The following POLR1A variants were observed in gnomAD, a reference collection of about 807,000 sequenced individuals.
POLR1A encodes the protein DNA-directed RNA polymerase I subunit RPA1.
In POLR1A, 84 loss-of-function variants were observed where a neutral mutation model predicts 205.3. The ratio of observed to expected loss-of-function variants is 0.41; its 90% CI spans 0.34 to 0.49. The LOEUF (loss-of-function observed/expected upper bound fraction) is 0.49, where lower values mean the gene tolerates loss of function less well. Ranked by LOEUF, POLR1A falls within the 20% of genes least tolerant of loss-of-function variation. The probability of loss-of-function intolerance (pLI) is 0.22; values close to 1 mark genes in which losing one functional copy is unlikely to be tolerated. For missense variants in POLR1A, 1,645 were observed against 2,204.5 expected, an observed-to-expected ratio of 0.75 and a Z score of 5.08; for synonymous variants, 799 against 863.7, an observed-to-expected ratio of 0.93 and a Z score of 1.31.
chr2:86,036,546 A>G (rs1292674833), intron 27 of POLR1A, among the ~76,000 whole-genome samples: 2 of 152,164 alleles, frequency 1.3e-5, no homozygotes, highest in Non-Finnish European at 2.9e-5. Context: ...GAAAGGAAGG[A>G]GAAAAAGCTT....
chr2:86,030,090 G>A, intron 31 of POLR1A, 106 bp downstream of exon 31: 1 of 882,838 alleles, frequency 1.1e-6, no homozygotes, highest in Non-Finnish European at 1.8e-6. Context: ...GGCTCAGGAA[G>A]GGCCAGAGTA....
chr2:86,038,661 T>C, intron 27 of POLR1A, 39 bp downstream of exon 27: 1 of 1,603,724 alleles, frequency 6.2e-7, no homozygotes, highest in Non-Finnish European at 8.5e-7. Flanking sequence ...GCGCATTCTC[T>C]GGGTCAAGGT....
rs773522758 is a variant in POLR1A at position 86,045,342 on chromosome 2, T to C, written c.2905A>G (p.Met969Val). 1 of 1,613,720 alleles carries C rather than the reference T, an allele frequency of 6.2e-7. No individual in the cohort carries two copies. Among genetic ancestry groups the C allele is most frequent in the Admixed American group, 1.7e-5 (1 of 60,024 alleles). Residue 969 changes from methionine to valine, a missense_variant, in exon 21 of 34, where the codon ATG becomes GTG. By Grantham distance (21) the Met-to-Val change is conservative. Transcript: ENST00000263857. ...TCCACCAGGCCCTCTCGTCCTGCCA[T>C]GCAGTGGAAGAAGAACTCCTGCAGA... ...IKPPEFFFHC[M>V]AGREGLVDTA...
intron 24 of POLR1A, among the ~76,000 whole-genome samples, chr2:86,041,390 CTGTGTG>C (rs141600019): frequency 1.6e-5 from 2 of 124,714 alleles, no homozygotes; most frequent in East Asian, 2.5e-4. Context: ...GCTACAGTGT[CTGTGTG>C]TGTGTGTGTG....
rs1460908053 is a variant in POLR1A, at chr2:86,084,474, A to T, written c.731-1306T>A. On this transcript the variant is annotated intron_variant, in intron 6 of 33. Coordinates refer to ENST00000263857, the MANE Select transcript of POLR1A (RefSeq NM_015425.6). ...AACCCCAAAAAGCTTTTCTGGATACATCCACTGAAACTAAGCATTACTCAA... is the reference window on the plus strand; with the variant it reads ...AACCCCAAAAAGCTTTTCTGGATACTTCCACTGAAACTAAGCATTACTCAA... Among the ~76,000 whole-genome samples, 5 of 151,862 alleles carry T rather than the reference A, an allele frequency of 3.3e-5. No individual in the cohort carries two copies. The East Asian group carries it at 9.6e-4, about 29-fold the overall frequency.
Position 86,088,616 on chromosome 2 carries a change from A to C in POLR1A, c.680T>G (p.Phe227Cys). The C allele has an allele frequency of 6.2e-7, 1 of 1,614,068 alleles. No homozygotes were observed. Among genetic ancestry groups the C allele is most frequent in the Non-Finnish European group, 8.5e-7 (1 of 1,179,902 alleles). Residue 227 changes from phenylalanine to cysteine, a missense_variant, in exon 6 of 34, where the codon TTT (phenylalanine) becomes TGT (cysteine). Phe to Cys is a radical substitution (Grantham distance 205). Coordinates refer to ENST00000263857, the MANE Select transcript of POLR1A (RefSeq NM_015425.6). ...KEHNSKLTIT[F>C]PAMVHRTAGQ... The stretch of plus-strand genomic sequence containing the variant: ...AGCTGTCCTGTGCACCATGGCTGGA[A>C]ACGTGATAGTCAACTTGCTGTTGTG...
intron 6 of POLR1A, among the ~76,000 whole-genome samples, chr2:86,085,618 T>C (rs1673491297): frequency 6.6e-6 from 1 of 152,194 alleles, no homozygotes; most frequent in Admixed American, 6.5e-5. Context: ...TCAGCTCCTG[T>C]CCCAGCAATG....
intron 3 of POLR1A, among the ~76,000 whole-genome samples, chr2:86,090,281 G>A (rs1673577956): frequency 6.6e-6 from 1 of 150,806 alleles, no homozygotes; most frequent in Admixed American, 6.6e-5. Context: ...TGTGGTCCCA[G>A]CTACTTGGTA....
rs781750931 is a variant in POLR1A, at chr2:86,049,215, T to A, written c.2420A>T (p.Lys807Met). 11 of 1,613,850 alleles carry A rather than the reference T, an allele frequency of 6.8e-6. No individual in the cohort carries two copies. The South Asian group carries it at 1.1e-4, about 16-fold the overall frequency. ...GATACGTTGCCTCTTGACATCTGCC[T>A]TTGGCTTCACCAAAATGTCTTCCAC... ...LGVEDILVKP[K>M]ADVKRQRIIE... The change falls in exon 17 of 34, where the codon AAG (lysine) becomes ATG (methionine). Residue 807 changes from lysine (K) to methionine (M), a missense_variant. Around this residue, in one of 16 missense-constraint regions of POLR1A, gnomAD observed 339 missense variants for 415.1 expected, o/e 0.82. Transcript: ENST00000263857.
chr2:86,048,864 G>A lies in POLR1A; in HGVS notation c.2634+20C>T, dbSNP rs1439379602. On this transcript the variant is annotated intron_variant, in intron 18 of 33. Coordinates refer to ENST00000263857, the MANE Select transcript of POLR1A (RefSeq NM_015425.6). ...AGCATTCATAGTGGTGGGGATAAAT[G>A]CATGCAATGCTGGGCTAACCTTGTT... 1.2e-6 allele frequency: 2 copies of A among 1,603,922 alleles called. No homozygotes were observed. The highest frequency in any genetic ancestry group is 1.7e-6 in the Non-Finnish European group (2 of 1,170,912).
At chr2:86,056,271 G>A (rs1244336597) in intron 14 of POLR1A, among the ~76,000 whole-genome samples, 1 of 146,148 alleles carries the variant, frequency 6.8e-6, no homozygotes, top group Non-Finnish European at 1.5e-5. Flanking sequence ...GGCCAACATG[G>A]TGAAATCCCG....
rs1195415449 is a variant in POLR1A at position 86,027,481 on chromosome 2, A to G, written c.5105T>C (p.Val1702Ala). Reference protein sequence around the residue: ...ELRSPSACLVVGKVVRGGTGL... With the variant: ...ELRSPSACLVAGKVVRGGTGL... ...TGTCCCGCCCCTGACGACCTTCCCG[A>G]CCACAAGGCAGGCAGAAGGAGACCT... Residue 1702 changes from valine to alanine, a missense_variant, in exon 34 of 34, where the codon GTC becomes GCC. Val to Ala is a moderately conservative substitution (Grantham distance 64). Transcript: ENST00000263857. 26 of 1,614,136 alleles carry G rather than the reference A, an allele frequency of 1.6e-5. No individual in the cohort carries two copies. The highest frequency in any genetic ancestry group is 2.2e-5 in the Non-Finnish European group (26 of 1,180,012).
At chr2:86,104,837 C>A (rs1673890552) in intron 1 of POLR1A, among the ~76,000 whole-genome samples, 1 of 152,222 alleles carries the variant, frequency 6.6e-6, no homozygotes, top group Non-Finnish European at 1.5e-5. Flanking sequence ...GATGTACAGA[C>A]AGCTGAACAA....
intron 11 of POLR1A, among the ~76,000 whole-genome samples, chr2:86,076,744 C>A (rs1218574761): frequency 6.6e-6 from 1 of 152,208 alleles, no homozygotes; most frequent in Admixed American, 6.5e-5. Flanking sequence ...GAAAAGGCAG[C>A]ACAAAAGGTC....
intron 6 of POLR1A, among the ~76,000 whole-genome samples, chr2:86,083,727 C>CTGTTTT (rs1673444618): frequency 6.6e-6 from 1 of 152,138 alleles, no homozygotes; most frequent in African/African-American, 2.4e-5. Flanking sequence ...ATATCTTTAT[C>CTGTTTT]TACCTGTTTT....
intron 6 of POLR1A, among the ~76,000 whole-genome samples, chr2:86,085,009 TG>T (rs1450020031): frequency 6.6e-6 from 1 of 152,246 alleles, no homozygotes; most frequent in Middle Eastern, 3.2e-3. Flanking sequence ...TCGACCAGGC[TG>T]GAGTGCAGTG....
intron 7 of POLR1A, 86 bp from the exon 8 acceptor site, chr2:86,081,792 G>A (rs1673407266): frequency 3.9e-6 from 3 of 776,816 alleles, no homozygotes; most frequent in African/African-American, 1.8e-5. Context: ...ATTACTGAGT[G>A]AGGAAAAAAC....
Position 86,025,398 on chromosome 2 carries a change from T to A in POLR1A, c.*2025A>T, listed in dbSNP as rs1002930443. The A allele has an allele frequency of 1.3e-5, 2 of 152,118 alleles. No homozygotes were observed. Among genetic ancestry groups the A allele is most frequent in the African/African-American group, 4.8e-5 (2 of 41,416 alleles). The allele number at this position is 152,118 out of a possible 1,614,324, so 9.4% of individuals were successfully genotyped here. ...TTCCGAGCATAGAGAACCACCAAAG[T>A]GAGCGTGTAATTCCCTAAGGCCACC... On this transcript the variant is annotated 3_prime_UTR_variant, in exon 34 of 34. Coordinates refer to ENST00000263857, the MANE Select transcript of POLR1A (RefSeq NM_015425.6).
intron 14 of POLR1A, among the ~76,000 whole-genome samples, chr2:86,063,791 T>C (rs1252046322): frequency 6.6e-6 from 1 of 152,200 alleles, no homozygotes; most frequent in African/African-American, 2.4e-5. Context: ...GAAGCTGAAG[T>C]CATTGATTTG....
Sources: allele counts gnomAD v4.1 joint callset (sites outside exome capture counted in the v4.1 genomes callset), GRCh38; gene constraint gnomAD v4.1.1; regional missense constraint gnomAD v4.1.1; transcripts MANE v1.5; gene names NCBI Gene and HGNC (gene_info 2026-07-23, HGNC 2026-07-21).